Variants in SPAG16 observed in about 807,000 individuals in gnomAD.
The protein encoded by SPAG16 is sperm associated antigen 16, also known as sperm-associated antigen 16 protein.
In SPAG16, 86 loss-of-function variants were observed where a neutral mutation model predicts 80.4. That is an observed-to-expected ratio of 1.07 (90% CI 0.90 to 1.28). The LOEUF is 1.28. Ranked by LOEUF, SPAG16 falls within the 50% of genes most tolerant of loss-of-function variation. The pLI, the probability that SPAG16 is intolerant of heterozygous loss-of-function variation, is 0.00. For synonymous variants in SPAG16, 294 were observed against 265.9 expected, an observed-to-expected ratio of 1.11 and a Z score of -1.03; for missense variants, 870 against 765.3, an observed-to-expected ratio of 1.14 and a Z score of -1.61.
intron 10 of SPAG16, among the ~76,000 whole-genome samples, chr2:213,622,668 T>C (rs190410107): frequency 1.3e-5 from 2 of 152,348 alleles, no homozygotes; most frequent in African/African-American, 4.8e-5. Context: ...GAGAACATCA[T>C]TGGTCACCTT....
At chr2:213,749,000 A>T (rs779548994) in intron 10 of SPAG16, among the ~76,000 whole-genome samples, 4 of 152,066 alleles carry the variant, frequency 2.6e-5, no homozygotes, top group South Asian at 2.1e-4. Context: ...TACAAAAGTT[A>T]GCTGGGCATG....
intron 10 of SPAG16, among the ~76,000 whole-genome samples, chr2:213,678,563 C>G (rs1313001165): frequency 6.6e-5 from 10 of 152,136 alleles, no homozygotes; most frequent in Non-Finnish European, 1.0e-4. Context: ...TATCGGTACA[C>G]CTTCAGAATG....
chr2:214,389,626 G>A lies in SPAG16; in HGVS notation c.1721-20514G>A, dbSNP rs555150107. 5.3e-5 allele frequency among the ~76,000 whole-genome samples: 8 copies of A among 152,326 alleles called. 1 individual carries two copies. Among genetic ancestry groups the A allele is most frequent in the African/African-American group, 1.7e-4 (7 of 41,576 alleles). ...AATTTGAGAGATGACAGTAATAGGA[G>A]TGTTTAAGTAAGAGAACAAGCTTAA... On this transcript the variant is annotated intron_variant, in intron 15 of 15. Transcript: ENST00000331683.
chr2:213,617,014 C>T (rs2061618228), intron 10 of SPAG16, among the ~76,000 whole-genome samples: 1 of 152,106 alleles, frequency 6.6e-6, no homozygotes, highest in Non-Finnish European at 1.5e-5. Context: ...TTTGCATGCA[C>T]AGGTCATGTG....
At chr2:213,379,205 G>A (rs1457696955) in intron 9 of SPAG16, among the ~76,000 whole-genome samples, 5 of 152,308 alleles carry the variant, frequency 3.3e-5, no homozygotes, top group South Asian at 4.1e-4. Context: ...GTGATGGTGA[G>A]TGGTGCCACT....
At chr2:214,136,924 A>T (rs542091690) in intron 14 of SPAG16, among the ~76,000 whole-genome samples, 1 of 152,276 alleles carries the variant, frequency 6.6e-6, no homozygotes, top group Admixed American at 6.5e-5. Flanking sequence ...TTACCTTCAC[A>T]TATTGAAGGC....
Position 213,454,601 on chromosome 2 carries a change from T to C in SPAG16, c.943-35362T>C, listed in dbSNP as rs2071887739. 3.3e-5 allele frequency among the ~76,000 whole-genome samples: 5 copies of C among 152,214 alleles called. No individual in the cohort carries two copies. The South Asian group carries it at 1.0e-3, about 32-fold the overall frequency. On this transcript the variant is annotated intron_variant, in intron 9 of 15. Transcript: ENST00000331683. Reference sequence around the variant, plus strand: ...TCATCTCTATTCTTAATCAAAATTTTCCAAGAAGTAAAGATATTTGGTCAC... The same window carrying C: ...TCATCTCTATTCTTAATCAAAATTTCCCAAGAAGTAAAGATATTTGGTCAC...
At chr2:214,342,583 C>A (rs1041308932) in intron 15 of SPAG16, among the ~76,000 whole-genome samples, 1 of 151,956 alleles carries the variant, frequency 6.6e-6, no homozygotes, top group Non-Finnish European at 1.5e-5. Context: ...CTCAGGGCTC[C>A]CACTGAGTCT....
At chr2:214,409,864 A>C (rs547518734) in intron 15 of SPAG16, among the ~76,000 whole-genome samples, 1 of 152,350 alleles carries the variant, frequency 6.6e-6, no homozygotes, top group African/African-American at 2.4e-5. Context: ...CAAATATAAA[A>C]GAATAGTAGG....
chr2:213,792,926 TA>T (rs1477741134), intron 10 of SPAG16, among the ~76,000 whole-genome samples: 4 of 151,606 alleles, frequency 2.6e-5, no homozygotes, highest in African/African-American at 9.7e-5. Context: ...TTTCCTTCTT[TA>T]GTATTTTCTT....
intron 15 of SPAG16, among the ~76,000 whole-genome samples, chr2:214,211,552 C>T (rs986025421): frequency 2.0e-5 from 3 of 152,100 alleles, no homozygotes; most frequent in Admixed American, 6.6e-5. Flanking sequence ...TGGAAAAGAC[C>T]TCTTGTAAGT....
intron 13 of SPAG16, among the ~76,000 whole-genome samples, chr2:214,046,882 C>A (rs2049354321): frequency 6.8e-6 from 1 of 147,094 alleles, no homozygotes. Context: ...GGTACCATTT[C>A]TATATGTCAA....
At chr2:214,162,233 C>T (rs560794090) in intron 15 of SPAG16, among the ~76,000 whole-genome samples, 3 of 152,204 alleles carry the variant, frequency 2.0e-5, no homozygotes, top group East Asian at 3.9e-4. Flanking sequence ...TTTGGTGGGA[C>T]ATGTCCTCAT....
At chr2:214,058,684 G>C (rs965499727) in intron 13 of SPAG16, among the ~76,000 whole-genome samples, 10 of 152,098 alleles carry the variant, frequency 6.6e-5, no homozygotes, top group African/African-American at 2.4e-4. Context: ...GCTCAATAAA[G>C]CAAAGTACAA....
At chr2:214,128,391 A>G (rs78098912) in intron 14 of SPAG16, among the ~76,000 whole-genome samples, 1,639 of 151,884 alleles carry the variant, frequency 0.011, 29 homozygotes, top group African/African-American at 0.037. Flanking sequence ...GCAACAAGAG[A>G]GATTTTAAAA....
intron 11 of SPAG16, among the ~76,000 whole-genome samples, chr2:213,888,340 A>G (rs967430600): frequency 2.0e-5 from 3 of 151,870 alleles, no homozygotes; most frequent in Non-Finnish European, 3.0e-5. Flanking sequence ...ACTTAGAACT[A>G]TCCTCAGCTT....
At chr2:214,105,505 C>T (rs1171567289) in intron 13 of SPAG16, among the ~76,000 whole-genome samples, 1 of 152,156 alleles carries the variant, frequency 6.6e-6, no homozygotes, top group Admixed American at 6.5e-5. Flanking sequence ...TTTAAGGTCA[C>T]ACAGCTATTA....
intron 10 of SPAG16, among the ~76,000 whole-genome samples, chr2:213,847,141 T>G (rs1197501542): frequency 2.0e-5 from 3 of 152,164 alleles, no homozygotes; most frequent in Non-Finnish European, 2.9e-5. Flanking sequence ...ACCCTCTGTC[T>G]CATTTAATTT....
intron 15 of SPAG16, among the ~76,000 whole-genome samples, chr2:214,377,672 T>TTAAG (rs2126100871): frequency 6.6e-6 from 1 of 152,238 alleles, no homozygotes; most frequent in East Asian, 1.9e-4. Context: ...TAGTCAAAAG[T>TTAAG]TAAGTGTGGA....
Sources: allele counts gnomAD v4.1 joint callset (sites outside exome capture counted in the v4.1 genomes callset), GRCh38; gene constraint gnomAD v4.1.1; transcripts MANE v1.5; gene names NCBI Gene and HGNC (gene_info 2026-07-23, HGNC 2026-07-21).